GPR149: variants seen among roughly 807,000 people sequenced by gnomAD.
GPR149 encodes the protein G protein-coupled receptor 149.
Under a neutral mutation model 50.2 loss-of-function variants are expected in GPR149, and 50 were observed. The ratio of observed to expected loss-of-function variants is 1.00; its 90% CI spans 0.79 to 1.26. The LOEUF (loss-of-function observed/expected upper bound fraction) is 1.26, where lower values mean the gene tolerates loss of function less well. Among genes scored for constraint, GPR149 ranks in the 50% most tolerant of loss-of-function variants. The pLI is 0.00. For synonymous variants in GPR149, 405 were observed against 358.2 expected (o/e 1.13, Z -1.48); for missense variants, 983 against 895.4 (o/e 1.10, Z -1.25).
intron 3 of GPR149, among the ~76,000 whole-genome samples, chr3:154,388,256 T>C (rs1283647728): frequency 6.6e-6 from 1 of 152,074 alleles, no homozygotes; most frequent in Admixed American, 6.6e-5. Flanking sequence ...TTGTGAAAAA[T>C]ACACTGTAAA....
chr3:154,405,237 C>T (rs980796697), intron 3 of GPR149, among the ~76,000 whole-genome samples: 11 of 151,932 alleles, frequency 7.2e-5, no homozygotes, highest in East Asian at 1.9e-4. Context: ...TACACACAAA[C>T]AATAGCCAGT....
chr3:154,350,710 A>AC (rs1474657046), intron 3 of GPR149, among the ~76,000 whole-genome samples: 1 of 152,206 alleles, frequency 6.6e-6, no homozygotes, highest in Non-Finnish European at 1.5e-5. Context: ...ATGAAAAGGT[A>AC]CATGAACCAG....
chr3:154,340,378 C>T (rs1385680764), intron 3 of GPR149, among the ~76,000 whole-genome samples: 1 of 152,210 alleles, frequency 6.6e-6, no homozygotes, highest in Non-Finnish European at 1.5e-5. Flanking sequence ...CACACAGGTT[C>T]ATCACAGCAT....
chr3:154,421,887 T>C (rs1712156280), intron 2 of GPR149, among the ~76,000 whole-genome samples: 1 of 151,800 alleles, frequency 6.6e-6, no homozygotes, highest in Admixed American at 6.6e-5. Context: ...TTTATTTTGC[T>C]AGAAATTAAT....
At chr3:154,399,776 A>G (rs560563946) in intron 3 of GPR149, among the ~76,000 whole-genome samples, 1 of 152,296 alleles carries the variant, frequency 6.6e-6, no homozygotes, top group East Asian at 1.9e-4. Flanking sequence ...TCTTTACCAA[A>G]GAGCAAGGAA....
At chr3:154,356,540 GACAA>G (rs1260660009) in intron 3 of GPR149, among the ~76,000 whole-genome samples, 2 of 152,192 alleles carry the variant, frequency 1.3e-5, no homozygotes, top group African/African-American at 2.4e-5. Context: ...ACCAATAACA[GACAA>G]ACAGAGAGCC....
chr3:154,369,473 G>T (rs1208219918), intron 3 of GPR149, among the ~76,000 whole-genome samples: 1 of 152,160 alleles, frequency 6.6e-6, no homozygotes, highest in Non-Finnish European at 1.5e-5. Flanking sequence ...GAGGCCCACA[G>T]TTGCCTCCAC....
At chr3:154,358,821 G>A (rs1576904644) in intron 3 of GPR149, among the ~76,000 whole-genome samples, 1 of 152,292 alleles carries the variant, frequency 6.6e-6, no homozygotes, top group Non-Finnish European at 1.5e-5. Flanking sequence ...AGATCCTGTA[G>A]ATATGGTCAT....
chr3:154,393,322 A>T (rs568814758), intron 3 of GPR149, among the ~76,000 whole-genome samples: 5 of 152,028 alleles, frequency 3.3e-5, no homozygotes, highest in Non-Finnish European at 5.9e-5. Flanking sequence ...ACAGAATAAA[A>T]GATAAGAACC....
intron 3 of GPR149, among the ~76,000 whole-genome samples, chr3:154,359,063 A>G (rs929833997): frequency 3.9e-5 from 6 of 152,182 alleles, no homozygotes; most frequent in Non-Finnish European, 5.9e-5. Flanking sequence ...GTTTAACTCC[A>G]TAGAGCCTAT....
chr3:154,352,793 C>T (rs1714112824), intron 3 of GPR149: 1 of 816,858 alleles, frequency 1.2e-6, no homozygotes, highest in Non-Finnish European at 2.2e-6. Flanking sequence ...GTAGAAGGAA[C>T]ACCTACACAT....
intron 3 of GPR149, chr3:154,353,548 A>T: frequency 2.1e-6 from 2 of 966,732 alleles, no homozygotes; most frequent in Non-Finnish European, 3.4e-6. Context: ...GTTCCAACCA[A>T]GATGTCAATA....
intron 3 of GPR149, among the ~76,000 whole-genome samples, chr3:154,403,663 A>G (rs1430627024): frequency 1.3e-5 from 2 of 152,244 alleles, no homozygotes; most frequent in South Asian, 4.1e-4. Context: ...CGAGTTGCCC[A>G]AAGTTTCAGC....
chr3:154,338,427 A>G (rs1713708578), intron 3 of GPR149, among the ~76,000 whole-genome samples, 156 bp from the exon 4 acceptor site: 1 of 152,200 alleles, frequency 6.6e-6, no homozygotes, highest in Non-Finnish European at 1.5e-5. Context: ...TACTGCCACC[A>G]AAGCACCATA....
intron 3 of GPR149, among the ~76,000 whole-genome samples, chr3:154,350,327 A>T (rs1164887952): frequency 1.3e-5 from 2 of 152,244 alleles, no homozygotes; most frequent in East Asian, 3.8e-4. Flanking sequence ...AAAATCCTCA[A>T]GCTAATGATT....
At chr3:154,375,124 C>A (rs1714761011) in intron 3 of GPR149, among the ~76,000 whole-genome samples, 1 of 152,044 alleles carries the variant, frequency 6.6e-6, no homozygotes, top group Admixed American at 6.6e-5. Context: ...CTTTCATTTT[C>A]TTTCACTTTA....
chr3:154,404,269 T>C (rs1261594642), intron 3 of GPR149, among the ~76,000 whole-genome samples: 4 of 152,308 alleles, frequency 2.6e-5, no homozygotes, highest in South Asian at 2.1e-4. Flanking sequence ...AATTGAGATA[T>C]ACCTTTACAC....
intron 3 of GPR149, among the ~76,000 whole-genome samples, chr3:154,389,608 C>A (rs1715118790): frequency 6.6e-6 from 1 of 151,972 alleles, no homozygotes; most frequent in Admixed American, 6.6e-5. Flanking sequence ...ATGAAGCAGC[C>A]CAGCTCAGCA....
At chr3:154,393,519 C>A (rs1285321781) in intron 3 of GPR149, among the ~76,000 whole-genome samples, 1 of 152,050 alleles carries the variant, frequency 6.6e-6, no homozygotes, top group East Asian at 1.9e-4. Flanking sequence ...AGACCAGGAA[C>A]AAGGCAAGGA....
Sources: allele counts gnomAD v4.1 joint callset (sites outside exome capture counted in the v4.1 genomes callset), GRCh38; gene constraint gnomAD v4.1.1; transcripts MANE v1.5; gene names NCBI Gene and HGNC (gene_info 2026-07-23, HGNC 2026-07-21).